The following SERPINF1 variants were observed in gnomAD, a reference collection of about 807,000 sequenced individuals.
SERPINF1 encodes pigment epithelium-derived factor.
Under a neutral mutation model 37.3 loss-of-function variants are expected in SERPINF1, and 29 were observed. The observed-to-expected ratio is 0.78, with a 90% CI of 0.58 to 1.06. SERPINF1 has a LOEUF of 1.06. Among genes scored for constraint, SERPINF1 ranks in the 50% least tolerant of loss-of-function variants. The pLI is 0.00. For missense variants in SERPINF1, 553 were observed against 532.2 expected, an observed-to-expected ratio of 1.04 and a Z score of -0.38; for synonymous variants, 281 against 227.9, an observed-to-expected ratio of 1.23 and a Z score of -2.10.
rs4274474 is a variant in SERPINF1 at position 1,771,833 on chromosome 17, C to T, written c.440-39C>T. 1,141,670 of 1,592,992 alleles carry T rather than the reference C, an allele frequency of 0.72. 411,146 individuals are homozygous for T. The highest frequency in any genetic ancestry group is 0.85 in the African/African-American group (63,374 of 74,708). Reference sequence around the variant, plus strand: ...CTCTCAAAGACGGGATGCTTGTCGTCGAGTCTCATACGCTAACCTCTGCTC... The same window carrying T: ...CTCTCAAAGACGGGATGCTTGTCGTTGAGTCTCATACGCTAACCTCTGCTC... On this transcript the variant is annotated intron_variant, in intron 4 of 7. Transcript: ENST00000254722.
Position 1,771,034 on chromosome 17 carries a change from G to A in SERPINF1, c.289G>A (p.Glu97Lys). 6.2e-7 allele frequency: 1 copy of A among 1,614,020 alleles called. No homozygotes were observed. The change falls in exon 4 of 8, where the codon GAG becomes AAG. Residue 97 changes from glutamate to lysine, a missense_variant. Transcript: ENST00000254722. ...TALSALSLGA[E>K]QRTESIIHRA... ...CACATCCTTGTCTCTGGCAGGAGCG[G>A]AGCAGCGAACAGAATCCATCATTCA...
At chr17:1,772,589 T>TC (rs1330273491) in intron 5 of SERPINF1, among the ~76,000 whole-genome samples, 1 of 142,034 alleles carries the variant, frequency 7.0e-6, no homozygotes, top group African/African-American at 2.6e-5. Context: ...GACAGAGTCT[T>TC]GCTCTGTCAC....
At position 1,775,071 on chromosome 17, in the gene SERPINF1, A is replaced by G. The variant is rs760046547; in HGVS notation, c.657A>G (p.Thr219=). The G allele has an allele frequency of 5.6e-6, 9 of 1,614,106 alleles. No individual in the cohort carries two copies. The highest frequency in any genetic ancestry group is 5.9e-6 in the Non-Finnish European group (7 of 1,180,014). ...GVAHFKGQWV[T]KFDSRKTSLE... is the part of the protein sequence containing the mutation. Reference sequence around the variant, plus strand: ...ACTTCTTTCCAGGGCAGTGGGTAACAAAGTTTGACTCCAGAAAGACTTCCC... The same window carrying G: ...ACTTCTTTCCAGGGCAGTGGGTAACGAAGTTTGACTCCAGAAAGACTTCCC... Residue 219 remains threonine (T), a synonymous_variant, in exon 6 of 8, where the codon ACA becomes ACG. Transcript: ENST00000254722.
chr17:1,762,632 C>T (rs181336433), intron 1 of SERPINF1, among the ~76,000 whole-genome samples: 1 of 152,324 alleles, frequency 6.6e-6, no homozygotes, highest in African/African-American at 2.4e-5. Flanking sequence ...CCAGCACCAC[C>T]AAACCGCTGG....
In SERPINF1 at chr17:1,776,569, T is replaced by C; in HGVS notation, c.824T>C (p.Ile275Thr). Residue 275 changes from isoleucine (I) to threonine (T), a missense_variant, in exon 7 of 8, where the codon ATC (isoleucine) becomes ACC (threonine). By Grantham distance (89) the Ile-to-Thr change is moderately conservative. Transcript: ENST00000254722. Reference protein sequence around the residue: ...QLPLTGSMSIIFFLPLKVTQN... With the variant: ...QLPLTGSMSITFFLPLKVTQN... ...CCCTTGACCGGAAGCATGAGTATCA[T>C]CTTCTTCCTGCCCCTGAAAGTGACC... The C allele has an allele frequency of 6.2e-7, 1 of 1,614,008 alleles. No homozygotes were observed. The highest frequency in any genetic ancestry group is 8.5e-7 in the Non-Finnish European group (1 of 1,180,018).
At chr17:1,764,750 G>A (rs1019471829) in intron 1 of SERPINF1, among the ~76,000 whole-genome samples, 1 of 152,158 alleles carries the variant, frequency 6.6e-6, no homozygotes, top group East Asian at 1.9e-4. Context: ...TGCTGTGTGG[G>A]TGGATGTTTG....
intron 1 of SERPINF1, among the ~76,000 whole-genome samples, chr17:1,763,684 G>A (rs999685500): frequency 2.0e-5 from 3 of 152,198 alleles, no homozygotes; most frequent in East Asian, 1.9e-4. Context: ...CAGACTTGCC[G>A]TTAATACTCT....
intron 1 of SERPINF1, among the ~76,000 whole-genome samples, chr17:1,764,015 T>C (rs1230218606): frequency 6.6e-6 from 1 of 152,182 alleles, no homozygotes; most frequent in East Asian, 1.9e-4. Flanking sequence ...AAACCCCATC[T>C]CTACTAAAAC....
intron 6 of SERPINF1, 89 bp downstream of exon 6, chr17:1,775,289 G>A: frequency 6.6e-6 from 9 of 1,363,738 alleles, no homozygotes; most frequent in Non-Finnish European, 8.1e-6. Context: ...TGACCTTTGA[G>A]ATCCGACAGC....
chr17:1,763,296 A>T (rs113594888), intron 1 of SERPINF1, among the ~76,000 whole-genome samples: 1 of 152,158 alleles, frequency 6.6e-6, no homozygotes, highest in Non-Finnish European at 1.5e-5. Context: ...AAACACATGT[A>T]TTGGCTTGAG....
chr17:1,764,346 AGGCTCCTGGCAGCTGGGTGGGGCT>A (rs1907244695), intron 1 of SERPINF1, among the ~76,000 whole-genome samples: 1 of 152,232 alleles, frequency 6.6e-6, no homozygotes, highest in South Asian at 2.1e-4. Context: ...CAGGGGAGGC[AGGCTCCTGGCAGCTGGGTGGGGCT>A]GGCCCCAGCC....
intron 1 of SERPINF1, 117 bp from the exon 2 acceptor site, chr17:1,766,786 G>A: frequency 1.0e-6 from 1 of 959,506 alleles, no homozygotes; most frequent in African/African-American, 1.6e-5. Context: ...GCAGGGGGTG[G>A]GGGAAAGTGA....
chr17:1,762,637 C>A (rs1009837209), intron 1 of SERPINF1, among the ~76,000 whole-genome samples: 1 of 152,210 alleles, frequency 6.6e-6, no homozygotes, highest in Non-Finnish European at 1.5e-5. Flanking sequence ...ACCACCAAAC[C>A]GCTGGCCTCG....
intron 1 of SERPINF1, among the ~76,000 whole-genome samples, chr17:1,766,056 G>T (rs910220187): frequency 1.3e-5 from 2 of 152,060 alleles, no homozygotes; most frequent in African/African-American, 2.4e-5. Context: ...GCCGGACTGG[G>T]TGCCTCTATG....
At chr17:1,767,921 C>G (rs1414934751) in intron 2 of SERPINF1, among the ~76,000 whole-genome samples, 1 of 152,160 alleles carries the variant, frequency 6.6e-6, no homozygotes, top group East Asian at 1.9e-4. Flanking sequence ...AAACTCAGTT[C>G]TGCCGGGTGC....
intron 2 of SERPINF1, among the ~76,000 whole-genome samples, chr17:1,768,288 G>C (rs1597348576): frequency 6.6e-6 from 1 of 151,734 alleles, no homozygotes; most frequent in African/African-American, 2.4e-5. Context: ...AAAATTAGCT[G>C]GGTGTGGTGG....
At chr17:1,768,197 G>A (rs545131231) in intron 2 of SERPINF1, among the ~76,000 whole-genome samples, 196 of 152,068 alleles carry the variant, frequency 1.3e-3, no homozygotes, top group African/African-American at 4.2e-3. Flanking sequence ...TTTGGGAGGC[G>A]GAGGTGGGTG....
At position 1,777,504 on chromosome 17, in the gene SERPINF1, C is replaced by T. The variant is rs768459721; in HGVS notation, c.*58C>T. The T allele has an allele frequency of 1.5e-4, 245 of 1,609,510 alleles. No homozygotes were observed. Among genetic ancestry groups the T allele is most frequent in the Non-Finnish European group, 1.9e-4 (226 of 1,176,910 alleles). ...AAAACCCGAGGGACAGCAGATTCCACAGGACACGAAGGCTGCCCCTGTAAG... is the reference window on the plus strand; with the variant it reads ...AAAACCCGAGGGACAGCAGATTCCATAGGACACGAAGGCTGCCCCTGTAAG... On this transcript the variant is annotated 3_prime_UTR_variant, in exon 8 of 8. Coordinates refer to ENST00000254722, the MANE Select transcript of SERPINF1 (RefSeq NM_002615.7).
In SERPINF1 at chr17:1,771,907, G is replaced by A; in HGVS notation, c.475G>A (p.Glu159Lys). The change falls in exon 5 of 8, where the codon GAA (glutamate) becomes AAA (lysine). Residue 159 changes from glutamate (E) to lysine (K), a missense_variant. Transcript: ENST00000254722. ...AAAATCCAGCTTTGTGGCACCTCTG[G>A]AAAAGTCATATGGGACCAGGCCCAG... is the stretch of plus-strand genomic sequence containing the variant. ...RIKSSFVAPL[E>K]KSYGTRPRVL... The A allele has an allele frequency of 1.9e-6, 3 of 1,613,798 alleles. No individual in the cohort carries two copies. The highest frequency in any genetic ancestry group is 2.5e-6 in the Non-Finnish European group (3 of 1,179,994).
Sources: gnomAD v4.1 joint callset for allele counts (sites outside exome capture counted in the v4.1 genomes callset) on GRCh38, gnomAD v4.1.1 for gene constraint, MANE v1.5 for transcripts, NCBI Gene and HGNC (gene_info 2026-07-23, HGNC 2026-07-21) for gene names.